PARP14: variants seen among roughly 807,000 people sequenced by gnomAD.
PARP14 encodes the protein protein mono-ADP-ribosyltransferase PARP14.
A neutral mutation model predicts 154.2 loss-of-function variants in PARP14; 59 were observed. The observed-to-expected ratio is 0.38, with a 90% CI of 0.31 to 0.48. The LOEUF is 0.48. Among genes scored for constraint, PARP14 ranks in the 20% least tolerant of loss-of-function variants. PARP14 has a pLI of 0.98. For synonymous variants in PARP14, 720 were observed against 780.5 expected (o/e 0.92, Z 1.29); for missense variants, 1,734 against 2,131.6 (o/e 0.81, Z 3.67).
At chr3:122,694,533 C>CTTA (rs990795878) in intron 4 of PARP14, among the ~76,000 whole-genome samples, 11 of 152,060 alleles carry the variant, frequency 7.2e-5, no homozygotes, top group Non-Finnish European at 1.0e-4. Context: ...ACCATCAATA[C>CTTA]TTATTATTAT....
chr3:122,714,212 G>C, intron 11 of PARP14, 50 bp from the exon 12 acceptor site: 1 of 1,466,456 alleles, frequency 6.8e-7, no homozygotes, highest in Non-Finnish European at 9.2e-7. Flanking sequence ...CTAAACAAAT[G>C]ACGGGTTCAA....
intron 10 of PARP14, 95 bp downstream of exon 10, chr3:122,713,668 T>C: frequency 1.8e-6 from 2 of 1,142,392 alleles, no homozygotes; most frequent in Admixed American, 2.3e-5. Context: ...TTTGGCTTGT[T>C]AATTAATAAC....
At chr3:122,723,361 G>C (rs959338275) in intron 15 of PARP14, among the ~76,000 whole-genome samples, 1 of 152,128 alleles carries the variant, frequency 6.6e-6, no homozygotes, top group Non-Finnish European at 1.5e-5. Context: ...TTCTAATATA[G>C]AGTAGTACTC....
At chr3:122,724,867 G>C (rs1933249924) in intron 15 of PARP14, among the ~76,000 whole-genome samples, 1 of 152,080 alleles carries the variant, frequency 6.6e-6, no homozygotes, top group Admixed American at 6.6e-5. Context: ...GGAGCATGCT[G>C]CCTTCAAGCA....
chr3:122,681,039 C>A lies in PARP14; in HGVS notation c.156C>A (p.Ser52=), dbSNP rs1290324117. 2 of 1,613,614 alleles carry A rather than the reference C, an allele frequency of 1.2e-6. No homozygotes were observed. The highest frequency in any genetic ancestry group is 1.7e-6 in the Non-Finnish European group (2 of 1,179,698). ...CEVRQDPRSP[S]RFLVFFYPED... is the part of the protein sequence containing the mutation. ...TCCGCCAGGATCCCAGGAGCCCATC[C>A]CGCTTCCTGGTGTTCTTCTACCCGG... Residue 52 remains serine (S), a synonymous_variant, in exon 1 of 17, where the codon TCC becomes TCA. Transcript: ENST00000474629. The surrounding 1 kb of genome is among the most constrained non-coding windows in gnomAD (Gnocchi z 5.5).
intron 9 of PARP14, among the ~76,000 whole-genome samples, chr3:122,708,933 C>T (rs941113302): frequency 3.3e-5 from 5 of 152,014 alleles, no homozygotes; most frequent in Non-Finnish European, 7.4e-5. Flanking sequence ...TGCTATTGAG[C>T]CCATCCAGTG....
At chr3:122,710,791 T>TTTTATTTATTTATTTA (rs59634432) in intron 9 of PARP14, among the ~76,000 whole-genome samples, 1 of 140,034 alleles carries the variant, frequency 7.1e-6, no homozygotes, top group Admixed American at 7.3e-5. Flanking sequence ...TTCCTAGGTA[T>TTTTATTTATTTATTTA]TTTATTTATT....
intron 14 of PARP14, 117 bp downstream of exon 14, chr3:122,719,075 TAAACTAGA>T: frequency 9.6e-7 from 1 of 1,043,546 alleles, no homozygotes; most frequent in South Asian, 2.0e-5. Context: ...ACTAATGAAA[TAAACTAGA>T]AAATGTGGCC....
rs776309392 is a variant in PARP14 at position 122,681,062 on chromosome 3, C to T, written c.179C>T (p.Pro60Leu). Residue 60 changes from proline (P) to leucine (L), a missense_variant, in exon 1 of 17, where the codon CCG becomes CTG. Transcript: ENST00000474629. This position sits in a 1 kb window ranked among gnomAD's most constrained non-coding sequence, Gnocchi z 5.5. ...SPSRFLVFFY[P>L]EDVRQKVLER... ...TCCCGCTTCCTGGTGTTCTTCTACC[C>T]GGAGGACGGTGAGGGGCGCGAGGGG... 2.5e-6 allele frequency: 4 copies of T among 1,608,124 alleles called. No individual in the cohort carries two copies. The highest frequency in any genetic ancestry group is 1.1e-5 in the South Asian group (1 of 90,954).
rs763283063 is a variant in PARP14 at position 122,687,126 on chromosome 3, T to C, written c.355+13T>C. On this transcript the variant is annotated intron_variant, in intron 3 of 16. Coordinates refer to ENST00000474629, the MANE Select transcript of PARP14 (RefSeq NM_017554.3). ...GTTAAAGAACCAGGTAAAATCTCAGTTGAGATGACTCTGACATTCACCAAG... is the reference window on the plus strand; with the variant it reads ...GTTAAAGAACCAGGTAAAATCTCAGCTGAGATGACTCTGACATTCACCAAG... 5 of 1,580,270 alleles carry C rather than the reference T, an allele frequency of 3.2e-6. No homozygotes were observed. The highest frequency in any genetic ancestry group is 4.3e-6 in the Non-Finnish European group (5 of 1,156,212).
chr3:122,726,096 C>T (rs1003823419), intron 15 of PARP14, among the ~76,000 whole-genome samples: 4 of 152,176 alleles, frequency 2.6e-5, no homozygotes, highest in Non-Finnish European at 5.9e-5. Context: ...TTTTAACACA[C>T]ATTTTAATTC....
rs764755126 is a variant in PARP14, at chr3:122,699,426, A to G, written c.872A>G (p.Asn291Ser). 6.2e-7 allele frequency: 1 copy of G among 1,611,634 alleles called. No individual in the cohort carries two copies. Among genetic ancestry groups the G allele is most frequent in the Non-Finnish European group, 8.5e-7 (1 of 1,178,874 alleles). ...ATCATGGCCACAAAACTCGACTTCA[A>G]TAAAATGCCACTTTCTGTGTTCCCA... ...DTIMATKLDF[N>S]KMPLSVFPYY... The change falls in exon 6 of 17, where the codon AAT becomes AGT. Residue 291 changes from asparagine to serine, a missense_variant. Physicochemically the swap from Asn to Ser is conservative, Grantham distance 46. Around this residue, in one of 2 missense-constraint regions of PARP14, gnomAD observed 1,646 missense variants for 1,976.0 expected, o/e 0.83. Coordinates refer to ENST00000474629, the MANE Select transcript of PARP14 (RefSeq NM_017554.3).
intron 10 of PARP14, 38 bp downstream of exon 10, chr3:122,713,611 TAG>T: frequency 6.3e-7 from 1 of 1,582,324 alleles, no homozygotes; most frequent in Non-Finnish European, 8.6e-7. Flanking sequence ...TAGTTAATGG[TAG>T]ATGCTATGAA....
intron 12 of PARP14, among the ~76,000 whole-genome samples, chr3:122,717,702 T>C (rs369353724): frequency 2.0e-5 from 3 of 152,232 alleles, no homozygotes; most frequent in African/African-American, 7.2e-5. Context: ...CATCTGCTTT[T>C]TATGAAATTT....
At chr3:122,704,792 A>C in intron 8 of PARP14, 44 bp downstream of exon 8, 1 of 1,101,990 alleles carries the variant, frequency 9.1e-7, no homozygotes, top group Non-Finnish European at 1.3e-6. Context: ...ACTGAGACCT[A>C]GTGTTTTTTC....
intron 4 of PARP14, among the ~76,000 whole-genome samples, chr3:122,695,175 G>C (rs1447086898): frequency 6.6e-6 from 1 of 152,182 alleles, no homozygotes; most frequent in African/African-American, 2.4e-5. Context: ...GAGGGTTGGT[G>C]AGGTCTGGGG....
intron 5 of PARP14, among the ~76,000 whole-genome samples, chr3:122,697,757 G>C (rs1414447278): frequency 6.6e-6 from 1 of 152,166 alleles, no homozygotes; most frequent in Non-Finnish European, 1.5e-5. Flanking sequence ...ATCTTTTGCT[G>C]TTTTTTCTGC....
intron 9 of PARP14, among the ~76,000 whole-genome samples, chr3:122,709,883 G>A (rs1939266777): frequency 8.0e-6 from 1 of 124,510 alleles, no homozygotes; most frequent in South Asian, 3.0e-4. Flanking sequence ...CTTTTTGATG[G>A]GATTATTTGT....
Position 122,708,224 on chromosome 3 carries a change from GA to G in PARP14, c.3578del (p.Asn1193IlefsTer30). On this transcript the variant is annotated frameshift_variant, in exon 9 of 17. Coordinates refer to ENST00000474629, the MANE Select transcript of PARP14 (RefSeq NM_017554.3). LOFTEE classifies it high-confidence loss of function. ...FSDEFARRAN[G>X]NLVSDKIPKA... ...GATGAATTTGCCAGAAGGGCTAATGGAAATCTCGTCAGTGACAAAATTCCGA... is the reference window on the plus strand; with the variant it reads ...GATGAATTTGCCAGAAGGGCTAATGGAATCTCGTCAGTGACAAAATTCCGA... 2 of 1,575,746 alleles carry G rather than the reference GA, an allele frequency of 1.3e-6. No individual in the cohort carries two copies.
Sources: gnomAD v4.1 joint callset for allele counts (sites outside exome capture counted in the v4.1 genomes callset) on GRCh38, gnomAD v4.1.1 for gene constraint, gnomAD v4.1.1 regional missense constraint, Gnocchi (gnomAD v3.1) non-coding constraint, MANE v1.5 for transcripts, NCBI Gene and HGNC (gene_info 2026-07-23, HGNC 2026-07-21) for gene names.